The following GALNTL6 variants were observed in gnomAD, a reference collection of about 807,000 sequenced individuals.
GALNTL6 encodes polypeptide N-acetylgalactosaminyltransferase-like 6.
Under a neutral mutation model 73.7 loss-of-function variants are expected in GALNTL6, and 46 were observed. The observed-to-expected ratio is 0.62, with a 90% CI of 0.49 to 0.80. The LOEUF (loss-of-function observed/expected upper bound fraction) is 0.80, where lower values mean the gene tolerates loss of function less well. GALNTL6 is among the 30% of genes least tolerant of loss of function. The probability of loss-of-function intolerance (pLI) is 0.00; values close to 1 mark genes in which losing one functional copy is unlikely to be tolerated. For synonymous variants in GALNTL6, 259 were observed against 263.7 expected, an observed-to-expected ratio of 0.98 and a Z score of 0.17; for missense variants, 604 against 755.0, an observed-to-expected ratio of 0.80 and a Z score of 2.34.
At chr4:172,255,890 G>T (rs112628516) in intron 3 of GALNTL6, among the ~76,000 whole-genome samples, 273 of 151,546 alleles carry the variant, frequency 1.8e-3, no homozygotes, top group African/African-American at 6.0e-3. Flanking sequence ...AAAGAAGGAA[G>T]AGGGGAGAAT....
chr4:172,143,434 T>C (rs889175781), intron 2 of GALNTL6, among the ~76,000 whole-genome samples: 1 of 152,066 alleles, frequency 6.6e-6, no homozygotes, highest in Non-Finnish European at 1.5e-5. Flanking sequence ...TTTTCCCTAG[T>C]AGATTTCCTT....
intron 3 of GALNTL6, among the ~76,000 whole-genome samples, chr4:172,289,471 C>T (rs1739385702): frequency 6.6e-6 from 1 of 152,128 alleles, no homozygotes; most frequent in Non-Finnish European, 1.5e-5. Flanking sequence ...TTCTACCTGG[C>T]ATTATAAAAT....
At chr4:172,086,250 TATA>T (rs1394784025) in intron 2 of GALNTL6, among the ~76,000 whole-genome samples, 1 of 152,122 alleles carries the variant, frequency 6.6e-6, no homozygotes, top group Non-Finnish European at 1.5e-5. Context: ...AAATGAGTAA[TATA>T]ATTATACATG....
chr4:172,919,543 C>A (rs533312077), intron 8 of GALNTL6, among the ~76,000 whole-genome samples: 1 of 152,292 alleles, frequency 6.6e-6, no homozygotes, highest in African/African-American at 2.4e-5. Flanking sequence ...AAGTGAGCGG[C>A]AAAGGAAAAG....
At chr4:172,853,414 A>G (rs895452873) in intron 7 of GALNTL6, among the ~76,000 whole-genome samples, 5 of 152,180 alleles carry the variant, frequency 3.3e-5, no homozygotes, top group African/African-American at 9.7e-5. Flanking sequence ...TCCTATCAAC[A>G]TCACTGTATC....
At chr4:172,720,162 T>C (rs12505082) in intron 5 of GALNTL6, among the ~76,000 whole-genome samples, 115,995 of 152,050 alleles carry the variant, frequency 0.76, 45,511 homozygotes, top group Middle Eastern at 0.89. Context: ...TAGGTTTCAG[T>C]CTCATTTGTT....
intron 5 of GALNTL6, among the ~76,000 whole-genome samples, chr4:172,676,816 T>C (rs1327877452): frequency 6.6e-6 from 1 of 152,242 alleles, no homozygotes. Flanking sequence ...CATAAAGATC[T>C]GCTAGCTTCA....
chr4:171,888,129 G>T (rs1434797071), intron 2 of GALNTL6, among the ~76,000 whole-genome samples: 1 of 151,890 alleles, frequency 6.6e-6, no homozygotes, highest in Non-Finnish European at 1.5e-5. Context: ...TGTAATGCTT[G>T]TTGACATTAC....
At chr4:172,631,778 A>G (rs754930822) in intron 5 of GALNTL6, among the ~76,000 whole-genome samples, 9 of 152,226 alleles carry the variant, frequency 5.9e-5, no homozygotes, top group Non-Finnish European at 8.8e-5. Flanking sequence ...GTCTGAATAT[A>G]AAAGGGATAG....
intron 5 of GALNTL6, among the ~76,000 whole-genome samples, chr4:172,748,869 A>G (rs1434448652): frequency 6.6e-6 from 1 of 151,644 alleles, no homozygotes; most frequent in Non-Finnish European, 1.5e-5. Context: ...ATGCATATAC[A>G]CATATTTTCT....
intron 5 of GALNTL6, among the ~76,000 whole-genome samples, chr4:172,606,929 C>A (rs1449228881): frequency 6.6e-6 from 1 of 151,334 alleles, no homozygotes; most frequent in East Asian, 1.9e-4. Context: ...AGTGGAGGGG[C>A]AGATTTAAAT....
At chr4:172,767,449 C>G (rs1459672029) in intron 5 of GALNTL6, among the ~76,000 whole-genome samples, 1 of 152,038 alleles carries the variant, frequency 6.6e-6, no homozygotes. Context: ...CCAAGCTGTG[C>G]GACTCCCCAC....
At chr4:171,944,422 A>C (rs998903362) in intron 2 of GALNTL6, among the ~76,000 whole-genome samples, 5 of 152,078 alleles carry the variant, frequency 3.3e-5, no homozygotes, top group Admixed American at 2.0e-4. Context: ...GATTAATATC[A>C]GGTTTACTTA....
chr4:172,931,940 A>G (rs190662769), intron 9 of GALNTL6, among the ~76,000 whole-genome samples: 1 of 152,186 alleles, frequency 6.6e-6, no homozygotes, highest in South Asian at 2.1e-4. Flanking sequence ...TAATCCTGAC[A>G]ATTTCTCTGC....
chr4:172,539,425 T>G (rs921158230), intron 5 of GALNTL6, among the ~76,000 whole-genome samples: 1 of 152,074 alleles, frequency 6.6e-6, no homozygotes, highest in Admixed American at 6.6e-5. Flanking sequence ...CATCACTCAG[T>G]ATAATTCTTC....
chr4:171,969,022 T>C lies in GALNTL6; in HGVS notation c.138+154304T>C, dbSNP rs186464912. 4.1e-3 allele frequency among the ~76,000 whole-genome samples: 618 copies of C among 152,024 alleles called. 2 individuals are homozygous for C. Among genetic ancestry groups the C allele is most frequent in the Non-Finnish European group, 4.5e-3 (304 of 67,940 alleles). The stretch of plus-strand genomic sequence containing the variant: ...CGGCTAATTTTTGTATTTTTAGTAG[T>C]GGTGGGGTTTCACCATGTTGGTCAG... On this transcript the variant is annotated intron_variant, in intron 2 of 12. Transcript: ENST00000506823.
intron 5 of GALNTL6, among the ~76,000 whole-genome samples, chr4:172,427,401 C>A (rs995290587): frequency 6.6e-6 from 1 of 152,020 alleles, no homozygotes; most frequent in Non-Finnish European, 1.5e-5. Context: ...TGGGAAAGAC[C>A]TGCCCAGATG....
intron 2 of GALNTL6, among the ~76,000 whole-genome samples, chr4:172,092,311 A>G (rs987765062): frequency 6.6e-6 from 1 of 152,180 alleles, no homozygotes; most frequent in African/African-American, 2.4e-5. Context: ...AAATTTTAAG[A>G]ATCTCAAACA....
intron 5 of GALNTL6, among the ~76,000 whole-genome samples, chr4:172,775,196 T>G (rs1000224449): frequency 3.9e-5 from 6 of 152,114 alleles, no homozygotes; most frequent in African/African-American, 1.4e-4. Flanking sequence ...TGTTCCTAAA[T>G]TTTGTATGTC....
Sources: allele counts gnomAD v4.1 joint callset (sites outside exome capture counted in the v4.1 genomes callset), GRCh38; gene constraint gnomAD v4.1.1; transcripts MANE v1.5; gene names NCBI Gene and HGNC (gene_info 2026-07-23, HGNC 2026-07-21).